SERPING1: variants seen among roughly 807,000 people sequenced by gnomAD.
The protein encoded by SERPING1 is plasma protease C1 inhibitor.
Under a neutral mutation model 34.1 loss-of-function variants are expected in SERPING1, and 5 were observed. The observed-to-expected ratio is 0.15, with a 90% CI of 0.08 to 0.31. SERPING1 has a LOEUF of 0.31. Ranked by LOEUF, SERPING1 falls within the 10% of genes least tolerant of loss-of-function variation. SERPING1 has a pLI of 1.00. For missense variants in SERPING1, 505 were observed against 609.5 expected, an observed-to-expected ratio of 0.83 and a Z score of 1.81; for synonymous variants, 225 against 242.4, an observed-to-expected ratio of 0.93 and a Z score of 0.67.
At chr11:57,611,445 T>C (rs1290928592) in intron 6 of SERPING1, 3 of 525,050 alleles carry the variant, frequency 5.7e-6, no homozygotes, top group Non-Finnish European at 1.0e-5. Context: ...TCAAATCACT[T>C]GCCCATATTA....
chr11:57,604,284 G>T (rs1335389572), intron 4 of SERPING1, among the ~76,000 whole-genome samples: 4 of 152,134 alleles, frequency 2.6e-5, no homozygotes, highest in Admixed American at 1.3e-4. Context: ...TAATTTTTGT[G>T]TTATGTGAAT....
At position 57,604,650 on chromosome 11, in the gene SERPING1, T is replaced by TA. The variant is rs994717753; in HGVS notation, c.686-1350dup. The stretch of plus-strand genomic sequence containing the variant: ...GAACTAATCTACCCACCTCCCTTTT[T>TA]AAAAAAAAAAGGAAAACTTTTTTTT... On this transcript the variant is annotated intron_variant, in intron 4 of 7. Transcript: ENST00000278407. Among the ~76,000 whole-genome samples the TA allele has an allele frequency of 3.0e-4, 45 of 148,886 alleles. 1 individual carries two copies. Among genetic ancestry groups the TA allele is most frequent in the Admixed American group, 1.3e-3 (19 of 14,908 alleles).
chr11:57,610,617 C>G (rs1187140234), intron 6 of SERPING1, among the ~76,000 whole-genome samples: 1 of 152,212 alleles, frequency 6.6e-6, no homozygotes, highest in Non-Finnish European at 1.5e-5. Flanking sequence ...AATCATAATA[C>G]CATTTAATGA....
At chr11:57,598,155 G>T in intron 1 of SERPING1, 94 bp from the exon 2 acceptor site, 1 of 904,172 alleles carries the variant, frequency 1.1e-6, no homozygotes, top group Non-Finnish European at 1.7e-6. Flanking sequence ...AGAGGGACTG[G>T]GGCCTGAGAC....
chr11:57,612,761 T>A (rs1278652328), intron 7 of SERPING1, among the ~76,000 whole-genome samples: 1 of 151,692 alleles, frequency 6.6e-6, no homozygotes, highest in Non-Finnish European at 1.5e-5. Context: ...TTGTTTGTTT[T>A]TGAGACGGAG....
intron 4 of SERPING1, among the ~76,000 whole-genome samples, chr11:57,604,899 A>C (rs1945391565): frequency 2.0e-5 from 3 of 151,848 alleles, no homozygotes; most frequent in Admixed American, 1.3e-4. Flanking sequence ...GCTATGAAGG[A>C]CTGAGACGGG....
chr11:57,598,927 A>ATG lies in SERPING1; in HGVS notation c.51+609_51+610dup, dbSNP rs1486999576. Among the ~76,000 whole-genome samples, 9 of 126,568 alleles carry ATG rather than the reference A, an allele frequency of 7.1e-5. No homozygotes were observed. The East Asian group carries it at 2.1e-3, about 30-fold the overall frequency. 83.0% of individuals were successfully genotyped at this position (126,568 alleles called of 152,430 possible). ...GAGAAAGGTAGGTAGGGGTGTGTGTATGTGCGTGTGTGTGTGTGTGCACGC... is the reference window on the plus strand; with the variant it reads ...GAGAAAGGTAGGTAGGGGTGTGTGTATGTGTGCGTGTGTGTGTGTGTGCACGC... On this transcript the variant is annotated intron_variant, in intron 2 of 7. Transcript: ENST00000278407.
At chr11:57,598,373 T>C in intron 2 of SERPING1, 52 bp downstream of exon 2, 3 of 1,515,766 alleles carry the variant, frequency 2.0e-6, no homozygotes, top group Non-Finnish European at 1.8e-6. Flanking sequence ...GGAGGCGGGA[T>C]GGTGCGGGGT....
intron 2 of SERPING1, 92 bp downstream of exon 2, chr11:57,598,413 G>A: frequency 7.9e-7 from 1 of 1,271,624 alleles, no homozygotes; most frequent in Non-Finnish European, 1.1e-6. Context: ...TAACCCTTCA[G>A]GCTCCGGGGA....
chr11:57,605,014 A>T lies in SERPING1; in HGVS notation c.686-996A>T, dbSNP rs901325222. On this transcript the variant is annotated intron_variant, in intron 4 of 7. Transcript: ENST00000278407. Reference sequence around the variant, plus strand: ...GGACCCTGTCTCTAAAAAAAAAAAAATTTAATTTAAATTTTAAAAACTCAC... The same window carrying T: ...GGACCCTGTCTCTAAAAAAAAAAAATTTTAATTTAAATTTTAAAAACTCAC... 3.4e-4 allele frequency among the ~76,000 whole-genome samples: 51 copies of T among 152,106 alleles called. 1 individual carries two copies. The highest frequency in any genetic ancestry group is 6.5e-4 in the Admixed American group (10 of 15,278).
At position 57,614,321 on chromosome 11, in the gene SERPING1, G is replaced by T; in HGVS notation, c.1250-7G>T. On this transcript the variant is annotated splice_polypyrimidine_tract_variant and splice_region_variant and intron_variant, in intron 7 of 7. Transcript: ENST00000278407. ...TCTGACTCTGTTTTTCTCTGGTTTT[G>T]CCCTAGAATTCTTCGATTTTTCTTA... The T allele has an allele frequency of 1.2e-6, 2 of 1,613,174 alleles. No homozygotes were observed. The highest frequency in any genetic ancestry group is 1.7e-6 in the Non-Finnish European group (2 of 1,180,028).
chr11:57,599,746 T>G, intron 2 of SERPING1, 133 bp from the exon 3 acceptor site: 1 of 1,253,190 alleles, frequency 8.0e-7, no homozygotes, highest in Admixed American at 1.8e-5. Context: ...ATTGCTCATC[T>G]GCCGCACTGT....
intron 2 of SERPING1, 142 bp from the exon 3 acceptor site, chr11:57,599,737 T>C: frequency 8.8e-7 from 1 of 1,131,484 alleles, no homozygotes; most frequent in South Asian, 1.3e-5. Flanking sequence ...CTAAGACAGA[T>C]TGCTCATCTG....
intron 6 of SERPING1, chr11:57,611,392 A>G (rs982247587): frequency 7.0e-6 from 3 of 427,126 alleles, no homozygotes; most frequent in Non-Finnish European, 1.3e-5. Flanking sequence ...TATATACTAT[A>G]TGCACAACAC....
At chr11:57,602,280 T>C in intron 4 of SERPING1, 111 bp downstream of exon 4, 1 of 1,311,314 alleles carries the variant, frequency 7.6e-7, no homozygotes, top group Non-Finnish European at 1.1e-6. Flanking sequence ...AGCTACAGTA[T>C]CAGGGATGGA....
intron 6 of SERPING1, among the ~76,000 whole-genome samples, chr11:57,610,364 T>C (rs756056329): frequency 5.9e-5 from 9 of 152,100 alleles, no homozygotes; most frequent in Non-Finnish European, 1.2e-4. Flanking sequence ...GCATGGTAAA[T>C]TTTTCTTCAG....
intron 3 of SERPING1, among the ~76,000 whole-genome samples, chr11:57,601,619 C>T (rs1435123080): frequency 5.3e-5 from 8 of 151,964 alleles, no homozygotes; most frequent in African/African-American, 1.9e-4. Context: ...CGGTGACTCA[C>T]ACCTATAATC....
At chr11:57,600,504 G>A (rs973437466) in intron 3 of SERPING1, 127 bp downstream of exon 3, 1 of 989,498 alleles carries the variant, frequency 1.0e-6, no homozygotes, top group South Asian at 1.4e-5. Flanking sequence ...TATATTGGGG[G>A]TGGGGTAGAG....
intron 4 of SERPING1, among the ~76,000 whole-genome samples, chr11:57,602,766 CAAAAACAAAACAAAAACAAAAAA>C (rs1565170561): frequency 8.6e-6 from 1 of 116,820 alleles, no homozygotes; most frequent in Non-Finnish European, 1.8e-5. Context: ...AAAAAAAAAA[CAAAAACAAAACAAAAACAAAAAA>C]AAAAACAAAG....
Sources: gnomAD v4.1 joint callset for allele counts (sites outside exome capture counted in the v4.1 genomes callset) on GRCh38, gnomAD v4.1.1 for gene constraint, MANE v1.5 for transcripts, NCBI Gene and HGNC (gene_info 2026-07-23, HGNC 2026-07-21) for gene names.